The following KHDRBS2 variants were observed in gnomAD, a reference collection of about 807,000 sequenced individuals.
KHDRBS2 encodes the protein KH domain-containing, RNA-binding, signal transduction-associated protein 2.
A neutral mutation model predicts 44.3 loss-of-function variants in KHDRBS2; 26 were observed. The observed-to-expected ratio is 0.59, with a 90% CI of 0.43 to 0.81. KHDRBS2 has a LOEUF of 0.81. KHDRBS2 is among the 40% of genes least tolerant of loss of function. KHDRBS2 has a pLI of 0.00. For synonymous variants in KHDRBS2, 194 were observed against 151.1 expected (o/e 1.28, Z -2.08); for missense variants, 476 against 433.1 (o/e 1.10, Z -0.88).
chr6:61,608,510 A>G, the KHDRBS2 span, among the ~76,000 whole-genome samples: 1 of 152,030 alleles, frequency 6.6e-6, no homozygotes, highest in African/African-American at 2.4e-5. Flanking sequence ...ACATAGGTAT[A>G]CAGGTGCCAT....
the KHDRBS2 span, among the ~76,000 whole-genome samples, chr6:61,644,519 C>G: frequency 5.3e-4 from 80 of 152,234 alleles, 1 homozygote; most frequent in East Asian, 0.014. Flanking sequence ...GTAAACACAA[C>G]CTACAGAATG....
At chr6:62,030,059 GA>G (rs1278615062) in intron 3 of KHDRBS2, among the ~76,000 whole-genome samples, 1 of 151,944 alleles carries the variant, frequency 6.6e-6, no homozygotes, top group Non-Finnish European at 1.5e-5. Context: ...CAGTACAGTA[GA>G]AAATGTAAGC....
intron 2 of KHDRBS2, among the ~76,000 whole-genome samples, chr6:62,099,425 G>A (rs1801362187): frequency 6.6e-6 from 1 of 152,148 alleles, no homozygotes; most frequent in African/African-American, 2.4e-5. Context: ...AGTAGGAGGT[G>A]TCCTAAGCCT....
At chr6:61,654,056 A>AT in the KHDRBS2 span, among the ~76,000 whole-genome samples, 2 of 152,042 alleles carry the variant, frequency 1.3e-5, no homozygotes. Context: ...TCAAAAAAAA[A>AT]GCATAAGGAA....
chr6:61,916,343 T>C (rs1806995054), intron 4 of KHDRBS2, among the ~76,000 whole-genome samples: 1 of 151,978 alleles, frequency 6.6e-6, no homozygotes, highest in African/African-American at 2.4e-5. Context: ...ACAACTGGAG[T>C]TTTGGGACTC....
chr6:62,265,602 T>C (rs1306521752), intron 1 of KHDRBS2, among the ~76,000 whole-genome samples: 1 of 152,030 alleles, frequency 6.6e-6, no homozygotes, highest in African/African-American at 2.4e-5. Context: ...TTCAAATACA[T>C]TTAGTTTAAC....
At chr6:61,983,258 A>G (rs542081879) in intron 3 of KHDRBS2, among the ~76,000 whole-genome samples, 5 of 11,782 alleles carry the variant, frequency 4.2e-4, no homozygotes, top group East Asian at 2.4e-3. Flanking sequence ...TTTTTTTTTT[A>G]TAGTGACTAA....
chr6:62,104,564 A>G (rs1482311360), intron 2 of KHDRBS2, among the ~76,000 whole-genome samples: 2 of 152,188 alleles, frequency 1.3e-5, no homozygotes, highest in Non-Finnish European at 2.9e-5. Context: ...GTAAAAACAT[A>G]ATCAAAAGAG....
At chr6:62,278,902 G>T (rs1378731468) in intron 1 of KHDRBS2, among the ~76,000 whole-genome samples, 1 of 152,084 alleles carries the variant, frequency 6.6e-6, no homozygotes, top group Admixed American at 6.6e-5. Context: ...AGACCATCCT[G>T]GTTAACACGG....
At chr6:62,140,093 A>G (rs193262344) in intron 2 of KHDRBS2, among the ~76,000 whole-genome samples, 1 of 152,146 alleles carries the variant, frequency 6.6e-6, no homozygotes, top group African/African-American at 2.4e-5. Context: ...TTCCTTCACT[A>G]TTACTTTCCT....
chr6:61,914,653 TATA>T (rs1340099209), intron 4 of KHDRBS2, among the ~76,000 whole-genome samples: 1 of 152,076 alleles, frequency 6.6e-6, no homozygotes, highest in African/African-American at 2.4e-5. Context: ...AAATTTAAAG[TATA>T]ATAATAATAC....
At chr6:62,054,502 T>A (rs182955744) in intron 2 of KHDRBS2, among the ~76,000 whole-genome samples, 1 of 152,064 alleles carries the variant, frequency 6.6e-6, no homozygotes, top group Non-Finnish European at 1.5e-5. Context: ...AGAAACTATA[T>A]GGGTGTGATT....
chr6:61,657,868 A>G, the KHDRBS2 span, among the ~76,000 whole-genome samples: 2 of 151,992 alleles, frequency 1.3e-5, no homozygotes, highest in East Asian at 3.9e-4. Context: ...CTATAAGCTA[A>G]TGATTGTGAG....
chr6:61,571,058 T>C, the KHDRBS2 span, among the ~76,000 whole-genome samples: 1 of 151,160 alleles, frequency 6.6e-6, no homozygotes, highest in African/African-American at 2.4e-5. Context: ...AACACAACAG[T>C]ACCTCACATC....
chr6:61,933,654 T>C (rs1195406912), intron 4 of KHDRBS2, among the ~76,000 whole-genome samples: 2 of 152,168 alleles, frequency 1.3e-5, no homozygotes, highest in East Asian at 3.8e-4. Flanking sequence ...AGCATGTCAG[T>C]GTATTGAAAA....
At chr6:61,638,170 T>C in the KHDRBS2 span, among the ~76,000 whole-genome samples, 7 of 152,146 alleles carry the variant, frequency 4.6e-5, no homozygotes, top group East Asian at 1.4e-3. Context: ...AAAGTTCATA[T>C]GGAACCAAAA....
At chr6:62,073,530 C>CT (rs60124030) in intron 2 of KHDRBS2, among the ~76,000 whole-genome samples, 42,733 of 124,254 alleles carry the variant, frequency 0.34, 6,582 homozygotes, top group African/African-American at 0.42. Flanking sequence ...TTTCTTTTTT[C>CT]TTTTTTTTTT....
chr6:61,636,478 T>G, the KHDRBS2 span, among the ~76,000 whole-genome samples: 1 of 152,100 alleles, frequency 6.6e-6, no homozygotes, highest in Non-Finnish European at 1.5e-5. Flanking sequence ...CAAATGGAAA[T>G]TGTTCTCATT....
chr6:62,219,033 T>C (rs1324118611), intron 1 of KHDRBS2, among the ~76,000 whole-genome samples: 1 of 151,678 alleles, frequency 6.6e-6, no homozygotes, highest in Non-Finnish European at 1.5e-5. Flanking sequence ...GGCAGGGTAA[T>C]GAGAAATTAC....
Sources: allele counts gnomAD v4.1 joint callset (sites outside exome capture counted in the v4.1 genomes callset), GRCh38; gene constraint gnomAD v4.1.1; transcripts MANE v1.5; gene names NCBI Gene and HGNC (gene_info 2026-07-23, HGNC 2026-07-21).